Variants in CNTN4 observed in about 807,000 individuals in gnomAD.
The protein encoded by CNTN4 is contactin 4.
Under a neutral mutation model 122.5 loss-of-function variants are expected in CNTN4, and 77 were observed. That is an observed-to-expected ratio of 0.63 (90% CI 0.52 to 0.76). CNTN4 has a LOEUF of 0.76. Among genes scored for constraint, CNTN4 ranks in the 30% least tolerant of loss-of-function variants. The pLI, the probability that CNTN4 is intolerant of heterozygous loss-of-function variation, is 0.00. For missense variants in CNTN4, 1,256 were observed against 1,259.1 expected (o/e 1.00, Z 0.04); for synonymous variants, 512 against 447.0 (o/e 1.15, Z -1.83).
intron 2 of CNTN4, among the ~76,000 whole-genome samples, chr3:2,211,122 A>T (rs571861722): frequency 6.6e-6 from 1 of 152,276 alleles, no homozygotes; most frequent in South Asian, 2.1e-4. Flanking sequence ...GGCCTCAGGA[A>T]GCTTTTACTT....
At chr3:2,302,303 C>T (rs919672154) in intron 2 of CNTN4, among the ~76,000 whole-genome samples, 2 of 152,142 alleles carry the variant, frequency 1.3e-5, no homozygotes, top group South Asian at 2.1e-4. Flanking sequence ...TGGTGCACAC[C>T]TGTAATCTCA....
chr3:2,104,198 A>G (rs1268773579), intron 2 of CNTN4, among the ~76,000 whole-genome samples: 2 of 144,800 alleles, frequency 1.4e-5, no homozygotes, highest in African/African-American at 2.6e-5. Context: ...CTTTCTTCCA[A>G]TTTTTTCCAC....
intron 3 of CNTN4, among the ~76,000 whole-genome samples, chr3:2,445,298 G>A (rs1007793019): frequency 2.0e-5 from 3 of 152,134 alleles, no homozygotes; most frequent in Non-Finnish European, 2.9e-5. Context: ...GCTGGTTAGA[G>A]GAGGACCTGC....
intron 4 of CNTN4, among the ~76,000 whole-genome samples, chr3:2,624,517 C>G (rs1193923207): frequency 1.3e-5 from 2 of 151,598 alleles, no homozygotes; most frequent in Non-Finnish European, 2.9e-5. Flanking sequence ...CCATGGCAAG[C>G]TTTTCAGATT....
At chr3:2,363,320 T>C (rs1383403623) in intron 3 of CNTN4, among the ~76,000 whole-genome samples, 1 of 152,204 alleles carries the variant, frequency 6.6e-6, no homozygotes, top group Non-Finnish European at 1.5e-5. Context: ...ACCTCTCTTC[T>C]TCCTCTAAAG....
intron 2 of CNTN4, among the ~76,000 whole-genome samples, chr3:2,207,037 G>T (rs759272809): frequency 9.9e-5 from 15 of 151,866 alleles, no homozygotes; most frequent in Non-Finnish European, 2.1e-4. Context: ...TTATTATATT[G>T]TTACAGTGAT....
rs1322955855 is a variant in CNTN4, at chr3:2,220,553, A to G, written c.-144-118625A>G. 3.3e-5 allele frequency among the ~76,000 whole-genome samples: 5 copies of G among 152,138 alleles called. No homozygotes were observed. The East Asian group carries it at 9.6e-4, about 29-fold the overall frequency. ...GACATTAATATTTTCCATGGAAACT[A>G]CCGACTTTCAGTTCTATGTTACCTC... On this transcript the variant is annotated intron_variant, in intron 2 of 24. Transcript: ENST00000418658.
At chr3:2,833,538 G>C (rs919992986) in intron 7 of CNTN4, among the ~76,000 whole-genome samples, 8 of 152,084 alleles carry the variant, frequency 5.3e-5, no homozygotes, top group Non-Finnish European at 1.0e-4. Context: ...CATTCCATGT[G>C]AGTTCATCAT....
rs990039880 is a variant in CNTN4, at chr3:3,044,950, G to A, written c.2811+1246G>A. ...CGCTTTTCCAATGGTCTTAGCAAAC[G>A]GCACACCAGGAGATTATATCCCATG... On this transcript the variant is annotated intron_variant, in intron 23 of 24. Transcript: ENST00000418658. 5.3e-5 allele frequency among the ~76,000 whole-genome samples: 8 copies of A among 152,204 alleles called. No homozygotes were observed. The East Asian group carries it at 9.7e-4, about 18-fold the overall frequency.
At chr3:2,099,355 T>C (rs2031694448) in intron 1 of CNTN4, 1 of 152,316 alleles carries the variant, frequency 6.6e-6, no homozygotes, top group South Asian at 2.1e-4. Context: ...AGCCTTCAAG[T>C]CAGCTCCTCC....
At chr3:2,546,432 A>G (rs2078248485) in intron 3 of CNTN4, among the ~76,000 whole-genome samples, 1 of 152,080 alleles carries the variant, frequency 6.6e-6, no homozygotes, top group Non-Finnish European at 1.5e-5. Flanking sequence ...AGTACTGCAT[A>G]TTGTTACTTA....
chr3:3,009,932 G>A (rs978998394), intron 14 of CNTN4, among the ~76,000 whole-genome samples: 5 of 151,124 alleles, frequency 3.3e-5, no homozygotes, highest in African/African-American at 9.7e-5. Flanking sequence ...TTAATATTTC[G>A]GTGTTTCCTT....
At chr3:2,439,962 G>A (rs903273795) in intron 3 of CNTN4, among the ~76,000 whole-genome samples, 1 of 152,122 alleles carries the variant, frequency 6.6e-6, no homozygotes, top group Admixed American at 6.6e-5. Flanking sequence ...AGCCTTAGGA[G>A]TGTCAAAACT....
intron 6 of CNTN4, among the ~76,000 whole-genome samples, chr3:2,777,559 G>A (rs2091375151): frequency 1.3e-5 from 2 of 152,214 alleles, no homozygotes; most frequent in Admixed American, 1.3e-4. Flanking sequence ...CAAGGCACCA[G>A]ATCCTCCAGT....
At chr3:3,029,588 T>C (rs1424820366) in intron 15 of CNTN4, among the ~76,000 whole-genome samples, 1 of 152,218 alleles carries the variant, frequency 6.6e-6, no homozygotes, top group African/African-American at 2.4e-5. Context: ...ACTGAAACGA[T>C]GGAGATAACC....
chr3:2,192,816 CA>C (rs1229188152), intron 2 of CNTN4, among the ~76,000 whole-genome samples: 2 of 152,018 alleles, frequency 1.3e-5, no homozygotes, highest in East Asian at 1.9e-4. Flanking sequence ...ATTAGCTCCC[CA>C]CTATTTAAAA....
chr3:2,880,571 G>C (rs2150962207), intron 8 of CNTN4, among the ~76,000 whole-genome samples: 1 of 152,336 alleles, frequency 6.6e-6, no homozygotes, highest in African/African-American at 2.4e-5. Context: ...CCAGCTTTGT[G>C]CAGATGCTGA....
At chr3:2,455,989 T>C (rs1307945579) in intron 3 of CNTN4, among the ~76,000 whole-genome samples, 1 of 152,138 alleles carries the variant, frequency 6.6e-6, no homozygotes, top group Non-Finnish European at 1.5e-5. Flanking sequence ...TATGTGGGAA[T>C]ATTTTGCTAG....
At chr3:3,034,606 A>C (rs771618345) in intron 16 of CNTN4, 26 bp from the exon 17 acceptor site, 6 of 1,613,758 alleles carry the variant, frequency 3.7e-6, no homozygotes, top group East Asian at 2.2e-5. Context: ...CACTGCTCCA[A>C]TTCTGGGGGT....
Sources: gnomAD v4.1 joint callset for allele counts (sites outside exome capture counted in the v4.1 genomes callset) on GRCh38, gnomAD v4.1.1 for gene constraint, MANE v1.5 for transcripts, NCBI Gene and HGNC (gene_info 2026-07-23, HGNC 2026-07-21) for gene names.